The following PERM1 variants were observed in gnomAD, a reference collection of about 807,000 sequenced individuals.
PERM1 encodes PGC-1 and ERR-induced regulator in muscle protein 1.
In PERM1, 45 loss-of-function variants were observed where a neutral mutation model predicts 44.1. The ratio of observed to expected loss-of-function variants is 1.02; its 90% CI spans 0.80 to 1.31. The LOEUF is 1.31. Ranked by LOEUF, PERM1 falls within the 50% of genes most tolerant of loss-of-function variation. PERM1 has a pLI of 0.00. For synonymous variants in PERM1, 565 were observed against 477.1 expected (o/e 1.18, Z -2.40); for missense variants, 1,189 against 1,106.9 (o/e 1.07, Z -1.05).
At chr1:979,099 G>A (rs539031218) in exon 1 of PERM1, 66 of 1,549,524 alleles carry the variant, frequency 4.3e-5, no homozygotes, top group Admixed American at 7.9e-5. Context: ...TATGGGGGCC[G>A]GCACAGGATC....
exon 1 of PERM1, chr1:979,580 G>A: frequency 6.5e-7 from 1 of 1,550,082 alleles, no homozygotes; most frequent in South Asian, 1.2e-5. Context: ...CAGCATCCGG[G>A]GGCCCCTGCT....
exon 1 of PERM1, chr1:980,148 A>T: frequency 6.5e-7 from 1 of 1,550,320 alleles, no homozygotes; most frequent in Non-Finnish European, 8.7e-7. Flanking sequence ...TGTCTGACTT[A>T]GCCCTTGAGA....
At chr1:976,431 C>T (rs1643609173) in intron 2 of PERM1, 68 bp downstream of exon 3, 1 of 1,547,632 alleles carries the variant, frequency 6.5e-7, no homozygotes, top group African/African-American at 1.4e-5. Context: ...CCCGTGCACC[C>T]CTCGTCCTGC....
chr1:979,581 G>A, exon 1 of PERM1: 1 of 1,550,100 alleles, frequency 6.5e-7, no homozygotes, highest in South Asian at 1.2e-5. Flanking sequence ...AGCATCCGGG[G>A]GCCCCTGCTG....
chr1:981,131 C>G (rs566393302), upstream of PERM1: 1 of 1,549,062 alleles, frequency 6.5e-7, no homozygotes, highest in Non-Finnish European at 8.7e-7. Context: ...CCCTGCCCCA[C>G]GAGACCTGGG....
chr1:976,559 C>G (rs1287974299), exon 2 of PERM1: 3 of 1,549,570 alleles, frequency 1.9e-6, no homozygotes, highest in East Asian at 2.4e-5. Context: ...GTGGCAAAAG[C>G]TACAAACACC....
upstream of PERM1, among the ~76,000 whole-genome samples, chr1:981,751 A>G (rs1643796643): frequency 1.3e-5 from 2 of 152,232 alleles, no homozygotes; most frequent in South Asian, 2.1e-4. Flanking sequence ...GCCGTCCTCG[A>G]GGTCTGCACC....
upstream of PERM1, among the ~76,000 whole-genome samples, chr1:981,842 G>C (rs572280891): frequency 6.6e-5 from 10 of 152,210 alleles, no homozygotes; most frequent in Non-Finnish European, 5.9e-5. Context: ...GCCAGCTGTC[G>C]GGTCTACCCC....
chr1:981,184 G>A (rs1337327382), upstream of PERM1: 4 of 1,546,466 alleles, frequency 2.6e-6, no homozygotes, highest in Non-Finnish European at 1.7e-6. Flanking sequence ...CTGAAAGGAA[G>A]AGAACAGCAT....
chr1:976,558 G>A (rs1466248435), exon 2 of PERM1: 123 of 1,549,476 alleles, frequency 7.9e-5, no homozygotes, highest in Non-Finnish European at 1.0e-4. Context: ...GGTGGCAAAA[G>A]CTACAAACAC....
exon 1 of PERM1, chr1:980,241 C>G (rs1297624498): frequency 6.4e-7 from 1 of 1,550,436 alleles, no homozygotes; most frequent in East Asian, 2.4e-5. Flanking sequence ...CTGTGCCTTG[C>G]TCTGTCACAG....
exon 1 of PERM1, chr1:980,343 C>T (rs1372239308): frequency 1.9e-6 from 3 of 1,550,244 alleles, no homozygotes; most frequent in Non-Finnish European, 2.6e-6. Context: ...CAGGACCTGG[C>T]CCCAACTCCT....
chr1:980,504 G>C (rs371695290), exon 1 of PERM1: 2 of 1,488,910 alleles, frequency 1.3e-6, no homozygotes, highest in Non-Finnish European at 8.9e-7. Context: ...CTCCGTGGTG[G>C]GGCTCCAGGG....
In PERM1 at chr1:979,973, G is replaced by A. The variant is rs1168878465; in HGVS notation, c.1057C>T (p.Gln353Ter). The change falls in exon 1 of 3, where the codon CAA becomes TAA. Residue 353 changes from glutamine to a stop codon, truncating the protein, a stop_gained. Coordinates refer to ENST00000433179, the Ensembl canonical transcript of PERM1. LOFTEE classifies it high-confidence loss of function. ...GACACAGCCATGTCCCTGTCAGGTT[G>A]CGGCTCAGAGGCAGGTGTAGACACA... The A allele has an allele frequency of 6.5e-6, 10 of 1,549,040 alleles. No individual in the cohort carries two copies. Among genetic ancestry groups the A allele is most frequent in the Non-Finnish European group, 8.7e-6 (10 of 1,146,320 alleles).
At chr1:981,077 G>T (rs1330520338), upstream of PERM1, 1 of 1,547,030 alleles carries the variant, frequency 6.5e-7, no homozygotes, top group East Asian at 2.4e-5. Flanking sequence ...GTCCGGTGGG[G>T]TCTTCATGGG....
chr1:982,056 A>G (rs1254833619), upstream of PERM1: 2 of 1,288,310 alleles, frequency 1.6e-6, no homozygotes, highest in Admixed American at 2.3e-5. Flanking sequence ...GCAGCTGACC[A>G]TGTCCTACCT....
At chr1:980,918 G>A in exon 1 of PERM1, 1 of 1,418,106 alleles carries the variant, frequency 7.1e-7, no homozygotes. Flanking sequence ...CTGGACAAGA[G>A]CTCGTCCCCA....
chr1:980,443 G>C (rs1203590312), exon 1 of PERM1: 5 of 1,544,104 alleles, frequency 3.2e-6, no homozygotes, highest in Non-Finnish European at 4.4e-6. Context: ...AGAGGCTCCT[G>C]TGTGCCCACC....
chr1:980,004 G>T, exon 1 of PERM1: 1 of 1,549,024 alleles, frequency 6.5e-7, no homozygotes, highest in Non-Finnish European at 8.7e-7. Flanking sequence ...ACACAGCCAT[G>T]TCCGTGTCAG....
Sources: gnomAD v4.1 joint callset for allele counts (sites outside exome capture counted in the v4.1 genomes callset) on GRCh38, gnomAD v4.1.1 for gene constraint, MANE v1.5 for transcripts, NCBI Gene and HGNC (gene_info 2026-07-23, HGNC 2026-07-21) for gene names.